The following PARP15 variants were observed in gnomAD, a reference collection of about 807,000 sequenced individuals.
PARP15 encodes the protein protein mono-ADP-ribosyltransferase PARP15.
A neutral mutation model predicts 62.1 loss-of-function variants in PARP15; 50 were observed. That is an observed-to-expected ratio of 0.81 (90% CI 0.64 to 1.02). PARP15 has a LOEUF of 1.02. Among genes scored for constraint, PARP15 ranks in the 50% least tolerant of loss-of-function variants. PARP15 has a pLI of 0.00. For synonymous variants in PARP15, 309 were observed against 293.1 expected (o/e 1.05, Z -0.55); for missense variants, 820 against 826.5 (o/e 0.99, Z 0.10).
intron 4 of PARP15, chr3:122,615,066 G>C (rs1327250031): frequency 1.0e-6 from 1 of 953,812 alleles, no homozygotes. Flanking sequence ...AGAAAAGAAA[G>C]AAAGAAAGAG....
At chr3:122,591,668 G>A (rs1399922123) in intron 1 of PARP15, among the ~76,000 whole-genome samples, 1 of 147,736 alleles carries the variant, frequency 6.8e-6, no homozygotes, top group Non-Finnish European at 1.5e-5. Context: ...GGCTGAGGCA[G>A]GAGAATTGCT....
intron 6 of PARP15, among the ~76,000 whole-genome samples, chr3:122,617,690 T>C (rs1936071610): frequency 2.0e-5 from 3 of 152,160 alleles, no homozygotes; most frequent in Admixed American, 2.0e-4. Flanking sequence ...GGCCCTCCCC[T>C]CATATGTCTA....
chr3:122,582,953 C>T (rs868176482), intron 1 of PARP15, among the ~76,000 whole-genome samples: 4 of 151,288 alleles, frequency 2.6e-5, no homozygotes, highest in Non-Finnish European at 5.9e-5. Flanking sequence ...TCTTTTTTAC[C>T]TCAGGCATTG....
At chr3:122,622,457 C>G (rs1487222262) in intron 8 of PARP15, among the ~76,000 whole-genome samples, 14 of 152,222 alleles carry the variant, frequency 9.2e-5, no homozygotes, top group Non-Finnish European at 1.2e-4. Flanking sequence ...CCACAGTCAG[C>G]AAGTCCTGCT....
intron 1 of PARP15, among the ~76,000 whole-genome samples, chr3:122,591,622 A>C (rs1933922974): frequency 6.6e-6 from 1 of 152,082 alleles, no homozygotes; most frequent in African/African-American, 2.4e-5. Context: ...TTAGCTGGGC[A>C]TGGTGGCGCA....
chr3:122,619,464 T>C (rs956756620), intron 6 of PARP15, among the ~76,000 whole-genome samples: 1 of 152,186 alleles, frequency 6.6e-6, no homozygotes, highest in Non-Finnish European at 1.5e-5. Flanking sequence ...ATTTTTATAG[T>C]TTCATTCGTT....
At chr3:122,622,687 T>C (rs151118799) in intron 8 of PARP15, among the ~76,000 whole-genome samples, 43 of 152,306 alleles carry the variant, frequency 2.8e-4, no homozygotes, top group African/African-American at 9.9e-4. Flanking sequence ...AACTCAGGTT[T>C]GTCCTGCTCA....
chr3:122,627,936 C>A (rs548258991), intron 9 of PARP15, among the ~76,000 whole-genome samples: 1 of 152,186 alleles, frequency 6.6e-6, no homozygotes, highest in Non-Finnish European at 1.5e-5. Context: ...CTGGCTTAAG[C>A]AAAAAGCAGA....
At position 122,615,876 on chromosome 3, in the gene PARP15, G is replaced by A. The variant is rs1323633361; in HGVS notation, c.850+19G>A. On this transcript the variant is annotated intron_variant, in intron 5 of 11. Transcript: ENST00000464300. ...ACCCAAGGTCTGGTAAAGTCGTTCT[G>A]CTAAGGAAATATTTCCTTTTGCTGA... The A allele has an allele frequency of 6.3e-7, 1 of 1,597,796 alleles. No homozygotes were observed. The highest frequency in any genetic ancestry group is 2.2e-5 in the East Asian group (1 of 44,768).
chr3:122,616,753 G>C (rs1050680960), intron 5 of PARP15, among the ~76,000 whole-genome samples: 2 of 151,980 alleles, frequency 1.3e-5, no homozygotes, highest in African/African-American at 2.4e-5. Context: ...CCAGTAAACA[G>C]ACTGACACTA....
chr3:122,605,552 A>G (rs1243362697), intron 1 of PARP15, among the ~76,000 whole-genome samples: 1 of 152,188 alleles, frequency 6.6e-6, no homozygotes, highest in African/African-American at 2.4e-5. Context: ...ATGAACACCT[A>G]TAAGGAAAGT....
At chr3:122,623,073 C>T (rs536705667) in intron 8 of PARP15, among the ~76,000 whole-genome samples, 2 of 152,294 alleles carry the variant, frequency 1.3e-5, no homozygotes, top group Non-Finnish European at 1.5e-5. Context: ...TTCCACACAC[C>T]GATAACCTTT....
chr3:122,615,591 C>A, intron 4 of PARP15, 188 bp from the exon 5 acceptor site: 2 of 1,297,366 alleles, frequency 1.5e-6, no homozygotes, highest in Non-Finnish European at 1.1e-6. Context: ...TAAAGCAAAT[C>A]AGCACTGCTA....
At position 122,621,502 on chromosome 3, in the gene PARP15, A is replaced by G; in HGVS notation, c.1122A>G (p.Ile374Met). 6.2e-7 allele frequency: 1 copy of G among 1,614,030 alleles called. No homozygotes were observed. The highest frequency in any genetic ancestry group is 1.3e-5 in the African/African-American group (1 of 75,050). The change falls in exon 8 of 12, where the codon ATA becomes ATG. Residue 374 changes from isoleucine to methionine, a missense_variant. Transcript: ENST00000464300. Reference sequence around the variant, plus strand: ...CAGGTGGATGCTTAAAGTGCAAAATAATAATTCATGTTCCTGGGGGAAAAG... The same window carrying G: ...CAGGTGGATGCTTAAAGTGCAAAATGATAATTCATGTTCCTGGGGGAAAAG... ...ITPGGCLKCK[I>M]IIHVPGGKDV...
rs534069571 is a variant in PARP15, at chr3:122,608,136, G to T, written c.306+2081G>T. ...CTTCCCAGCCGCTCTTCTCACTACT[G>T]AACCTCTGCTTTAGCTAAATTTGGA... is the stretch of plus-strand genomic sequence containing the variant. On this transcript the variant is annotated intron_variant, in intron 2 of 11. Transcript: ENST00000464300. Among the ~76,000 whole-genome samples, 563 of 151,136 alleles carry T rather than the reference G, an allele frequency of 3.7e-3. 2 individuals carry two copies. The highest frequency in any genetic ancestry group is 6.9e-3 in the Non-Finnish European group (468 of 67,898).
chr3:122,613,350 C>A, intron 4 of PARP15, 82 bp downstream of exon 4: 1 of 1,225,466 alleles, frequency 8.2e-7, no homozygotes, highest in Non-Finnish European at 1.2e-6. Context: ...TAGGAATAAC[C>A]GTGTTTTCTA....
chr3:122,612,630 C>T (rs149912476), intron 3 of PARP15, among the ~76,000 whole-genome samples: 5,688 of 151,922 alleles, frequency 0.037, 364 homozygotes, highest in African/African-American at 0.13. Context: ...TTAGTAGAGA[C>T]GGGGTTTCAC....
At chr3:122,625,216 A>C (rs982294047) in intron 8 of PARP15, among the ~76,000 whole-genome samples, 1 of 150,984 alleles carries the variant, frequency 6.6e-6, no homozygotes, top group African/African-American at 2.4e-5. Context: ...ATTTAGAGAT[A>C]GGGTTTTGTT....
At chr3:122,607,439 T>C (rs1419789220) in intron 2 of PARP15, among the ~76,000 whole-genome samples, 1 of 152,210 alleles carries the variant, frequency 6.6e-6, no homozygotes, top group Non-Finnish European at 1.5e-5. Context: ...TCTATAAATA[T>C]GGATGATGGT....
Sources: allele counts gnomAD v4.1 joint callset (sites outside exome capture counted in the v4.1 genomes callset), GRCh38; gene constraint gnomAD v4.1.1; transcripts MANE v1.5; gene names NCBI Gene and HGNC (gene_info 2026-07-23, HGNC 2026-07-21).